PTCSC3: variants seen among roughly 807,000 people sequenced by gnomAD.
PTCSC3 encodes the protein papillary thyroid carcinoma susceptibility candidate 3 (non-protein coding).
At chr14:36,146,666 A>G (rs1368848392) in intron 3 of PTCSC3, among the ~76,000 whole-genome samples, 4 of 152,240 alleles carry the variant, frequency 2.6e-5, no homozygotes, top group Non-Finnish European at 5.9e-5. Context: ...GTTTACATTT[A>G]AAGTTAATAT....
chr14:36,170,109 T>C (rs1882165635), intron 1 of PTCSC3, among the ~76,000 whole-genome samples: 3 of 152,134 alleles, frequency 2.0e-5, no homozygotes, highest in Non-Finnish European at 4.4e-5. Context: ...GAGGGTATCA[T>C]CTATGTTTGT....
At chr14:36,166,638 ATC>A (rs1415953556) in intron 1 of PTCSC3, among the ~76,000 whole-genome samples, 2 of 151,660 alleles carry the variant, frequency 1.3e-5, no homozygotes, top group Non-Finnish European at 2.9e-5. Flanking sequence ...TGTCCCAGAA[ATC>A]TCTCTGTGGT....
chr14:36,140,946 A>G (rs534477117), intron 3 of PTCSC3, among the ~76,000 whole-genome samples: 1 of 152,076 alleles, frequency 6.6e-6, no homozygotes, highest in South Asian at 2.1e-4. Flanking sequence ...TTGAGGGGGG[A>G]ATACAAATGT....
Position 36,154,777 on chromosome 14 carries a change from C to T in PTCSC3, n.232-883G>A, listed in dbSNP as rs72674615. 8.5e-3 allele frequency among the ~76,000 whole-genome samples: 1,292 copies of T among 152,194 alleles called. 5 individuals are homozygous for T. The highest frequency in any genetic ancestry group is 0.013 in the Non-Finnish European group (877 of 68,002). On this transcript the variant is annotated intron_variant and non_coding_transcript_variant, in intron 2 of 3. Transcript: ENST00000556013. The stretch of plus-strand genomic sequence containing the variant: ...GGAGCTGGGGAAGTTCAGTTTTAAA[C>T]ATGTTAGGATTGGGTTCCCTTTGGG...
chr14:36,139,303 G>A (rs757708176), intron 3 of PTCSC3, among the ~76,000 whole-genome samples: 3 of 151,956 alleles, frequency 2.0e-5, no homozygotes, highest in African/African-American at 7.3e-5. Flanking sequence ...GAAAGAACAC[G>A]GATAAGCTCC....
chr14:36,153,266 A>C (rs1449294874), intron 3 of PTCSC3, among the ~76,000 whole-genome samples: 1 of 152,164 alleles, frequency 6.6e-6, no homozygotes, highest in Non-Finnish European at 1.5e-5. Context: ...TCTATCTCCT[A>C]ATACCATCAT....
At chr14:36,137,538 G>T (rs1881315429) in intron 3 of PTCSC3, among the ~76,000 whole-genome samples, 1 of 152,176 alleles carries the variant, frequency 6.6e-6, no homozygotes, top group Non-Finnish European at 1.5e-5. Flanking sequence ...GCAGGGTGAT[G>T]ATGGCTCATA....
At chr14:36,166,823 A>G (rs1404881915) in intron 1 of PTCSC3, among the ~76,000 whole-genome samples, 1 of 152,184 alleles carries the variant, frequency 6.6e-6, no homozygotes, top group African/African-American at 2.4e-5. Flanking sequence ...CTTCTATTAA[A>G]GGGTTGAAGC....
intron 3 of PTCSC3, among the ~76,000 whole-genome samples, chr14:36,142,698 G>T (rs1320177780): frequency 6.6e-6 from 1 of 150,488 alleles, no homozygotes; most frequent in Non-Finnish European, 1.5e-5. Flanking sequence ...GGGTACATGT[G>T]CACATTGTGC....
At chr14:36,135,359 C>T (rs142545506), downstream of PTCSC3, among the ~76,000 whole-genome samples, 2 of 152,198 alleles carry the variant, frequency 1.3e-5, no homozygotes, top group African/African-American at 4.8e-5. Context: ...AGTAAGAACA[C>T]GAGGAATAAG....
intron 3 of PTCSC3, among the ~76,000 whole-genome samples, chr14:36,141,509 C>T (rs954180309): frequency 9.2e-5 from 14 of 151,858 alleles, no homozygotes; most frequent in African/African-American, 2.7e-4. Flanking sequence ...CATGCCACCA[C>T]GCCCAGCTAA....
At chr14:36,137,605 T>G (rs1881316886) in intron 3 of PTCSC3, among the ~76,000 whole-genome samples, 1 of 152,158 alleles carries the variant, frequency 6.6e-6, no homozygotes, top group Admixed American at 6.5e-5. Context: ...GTATTTTAAA[T>G]GTGGAGCCCA....
At chr14:36,148,001 G>T (rs970124399) in intron 3 of PTCSC3, among the ~76,000 whole-genome samples, 5 of 152,208 alleles carry the variant, frequency 3.3e-5, no homozygotes, top group Admixed American at 6.5e-5. Flanking sequence ...GGACCCCCTT[G>T]AGGAGGCAGT....
At chr14:36,148,948 A>G (rs552033871) in intron 3 of PTCSC3, among the ~76,000 whole-genome samples, 3 of 151,954 alleles carry the variant, frequency 2.0e-5, no homozygotes, top group South Asian at 4.2e-4. Flanking sequence ...AGATTGCTCT[A>G]TTTTTGGTTT....
rs1566509666 is a variant in PTCSC3 at position 36,162,271 on chromosome 14, A to AC, written n.231+352_231+353insG. Among the ~76,000 whole-genome samples the AC allele has an allele frequency of 2.7e-5, 4 of 145,672 alleles. No homozygotes were observed. In the South Asian group the frequency reaches 6.7e-4, roughly 24 times the overall value. The stretch of plus-strand genomic sequence containing the variant: ...TGCTGGGGTATGGAAAAAAAAAAAA[A>AC]AAAAAAAAAAAAAACTCCTGCAGCC... On this transcript the variant is annotated intron_variant and non_coding_transcript_variant, in intron 2 of 3. Coordinates refer to ENST00000556013, the Ensembl canonical transcript of PTCSC3.
chr14:36,176,045 G>T lies in PTCSC3; in HGVS notation n.171+253C>A, dbSNP rs73253483. 4.9e-3 allele frequency among the ~76,000 whole-genome samples: 753 copies of T among 152,228 alleles called. 3 individuals are homozygous for T. Among genetic ancestry groups the T allele is most frequent in the African/African-American group, 0.017 (713 of 41,550 alleles). On this transcript the variant is annotated intron_variant and non_coding_transcript_variant, in intron 1 of 3. Coordinates refer to ENST00000556013, the Ensembl canonical transcript of PTCSC3. The stretch of plus-strand genomic sequence containing the variant: ...GCAGTTTGGGAGTGTCAAGGAGGTG[G>T]GAGAAGGACTTTCAGTTAAGAAAAC...
chr14:36,137,654 AAG>A (rs1881318517), intron 3 of PTCSC3, among the ~76,000 whole-genome samples: 1 of 152,182 alleles, frequency 6.6e-6, no homozygotes, highest in South Asian at 2.1e-4. Flanking sequence ...CTGTGAGAAA[AAG>A]AGAGGAGTCA....
intron 3 of PTCSC3, chr14:36,153,780 A>C (rs572713525): frequency 6.6e-6 from 1 of 152,194 alleles, no homozygotes; most frequent in South Asian, 2.1e-4. Context: ...AATAAAAATA[A>C]ACAAGCCAGA....
At chr14:36,141,589 G>A (rs1275260074) in intron 3 of PTCSC3, among the ~76,000 whole-genome samples, 1 of 152,058 alleles carries the variant, frequency 6.6e-6, no homozygotes. Context: ...CTAACATCAG[G>A]TGGTCTGCCT....
Sources: allele counts gnomAD v4.1 joint callset (sites outside exome capture counted in the v4.1 genomes callset), GRCh38; gene constraint gnomAD v4.1.1; transcripts MANE v1.5; gene names NCBI Gene and HGNC (gene_info 2026-07-23, HGNC 2026-07-21).